The following IL1RAPL1 variants were observed in gnomAD, a reference collection of about 807,000 sequenced individuals.
IL1RAPL1 encodes interleukin-1 receptor accessory protein-like 1.
In IL1RAPL1, 3 loss-of-function variants were observed where a neutral mutation model predicts 48.4. The observed-to-expected ratio is 0.06, with a 90% confidence interval of 0.03 to 0.16. The LOEUF is 0.16. Ranked by LOEUF, IL1RAPL1 falls within the 10% of genes least tolerant of loss-of-function variation. The pLI is 1.00. For missense variants in IL1RAPL1, 349 were observed against 530.6 expected, an observed-to-expected ratio of 0.66 and a Z score of 3.36; for synonymous variants, 185 against 187.7, an observed-to-expected ratio of 0.99 and a Z score of 0.12.
intron 2 of IL1RAPL1, among the ~76,000 whole-genome samples, chrX:29,202,325 A>C (rs1370731318): frequency 8.9e-6 from 1 of 112,021 alleles, no homozygotes; most frequent in Non-Finnish European, 1.9e-5. Context: ...ATCTCACATC[A>C]GTCAGAATGG....
At chrX:29,393,258 A>G (rs192230266) in intron 3 of IL1RAPL1, among the ~76,000 whole-genome samples, 4 of 111,530 alleles carry the variant, frequency 3.6e-5, no homozygotes, top group East Asian at 2.8e-4. Flanking sequence ...AGTAGCTGGG[A>G]CTACAGGCGC....
chrX:28,641,605 A>G (rs1403892749), intron 1 of IL1RAPL1, among the ~76,000 whole-genome samples: 1 of 111,587 alleles, frequency 9.0e-6, no homozygotes, highest in Non-Finnish European at 1.9e-5. Flanking sequence ...TGCTGGGTCA[A>G]ATGGTATTTC....
At chrX:28,792,994 C>T (rs1936570555) in intron 2 of IL1RAPL1, among the ~76,000 whole-genome samples, 1 of 103,916 alleles carries the variant, frequency 9.6e-6, no homozygotes, top group African/African-American at 3.5e-5. Context: ...CAGGTAAAGT[C>T]CTAAAGTTGT....
intron 6 of IL1RAPL1, among the ~76,000 whole-genome samples, chrX:29,851,207 T>C (rs970301421): frequency 8.9e-6 from 1 of 111,937 alleles, no homozygotes; most frequent in African/African-American, 3.3e-5. Context: ...TCTGGTTGTA[T>C]TTTTAAAACC....
chrX:29,202,834 G>A (rs1209568119), intron 2 of IL1RAPL1, among the ~76,000 whole-genome samples: 1 of 111,295 alleles, frequency 9.0e-6, no homozygotes, highest in African/African-American at 3.3e-5. Flanking sequence ...GAAAGAAGGG[G>A]ACAACGGATG....
intron 2 of IL1RAPL1, among the ~76,000 whole-genome samples, chrX:29,232,419 A>G (rs1931218491): frequency 8.9e-6 from 1 of 112,432 alleles, no homozygotes; most frequent in African/African-American, 3.2e-5. Flanking sequence ...ATAGTAGTTT[A>G]TGCAATTAGA....
intron 1 of IL1RAPL1, among the ~76,000 whole-genome samples, chrX:28,649,272 C>T (rs1183952301): frequency 1.1e-4 from 12 of 112,171 alleles, no homozygotes; most frequent in African/African-American, 3.9e-4. Flanking sequence ...CCACAGTAAT[C>T]ACACAAAGTG....
intron 2 of IL1RAPL1, among the ~76,000 whole-genome samples, chrX:29,192,044 A>G (rs1411942142): frequency 8.9e-6 from 1 of 111,838 alleles, no homozygotes; most frequent in Non-Finnish European, 1.9e-5. Flanking sequence ...TCAGCTATGT[A>G]TCAGGCAGCA....
chrX:29,457,371 A>G (rs371321806), intron 5 of IL1RAPL1, among the ~76,000 whole-genome samples: 1 of 110,545 alleles, frequency 9.0e-6, no homozygotes, highest in African/African-American at 3.3e-5. Context: ...TGTAGTGCCT[A>G]TTGTTATCAT....
At chrX:28,845,548 T>G (rs1386612344) in intron 2 of IL1RAPL1, among the ~76,000 whole-genome samples, 1 of 111,374 alleles carries the variant, frequency 9.0e-6, no homozygotes, top group Non-Finnish European at 1.9e-5. Context: ...AATATACATT[T>G]ATGTTTAAAT....
chrX:28,681,592 C>T (rs1935059987), intron 1 of IL1RAPL1, among the ~76,000 whole-genome samples: 1 of 111,314 alleles, frequency 9.0e-6, no homozygotes, highest in African/African-American at 3.3e-5. Flanking sequence ...ATCTAATGTA[C>T]AGCAAGGTAA....
intron 2 of IL1RAPL1, among the ~76,000 whole-genome samples, chrX:28,799,347 A>C (rs900888707): frequency 8.9e-6 from 1 of 112,401 alleles, no homozygotes; most frequent in Admixed American, 9.4e-5. Flanking sequence ...TTTAGATTTT[A>C]TCTTGAGAAC....
intron 2 of IL1RAPL1, among the ~76,000 whole-genome samples, chrX:29,180,004 A>G (rs1309383729): frequency 9.5e-6 from 1 of 105,037 alleles, no homozygotes; most frequent in Non-Finnish European, 2.0e-5. Context: ...CTACTGGCCC[A>G]GAAGAAGGTT....
rs758487838 is a variant in IL1RAPL1 at position 29,339,075 on chromosome X, TACACACAC to T, written c.362+55889_362+55896del. The stretch of plus-strand genomic sequence containing the variant: ...GTTCTCCAAGCTTATGCTGGGTAAA[TACACACAC>T]ACACACACACACACACACACACACA... On this transcript the variant is annotated intron_variant, in intron 3 of 10. Transcript: ENST00000378993. Among the ~76,000 whole-genome samples, 260 of 92,319 alleles carry T rather than the reference TACACACAC, an allele frequency of 2.8e-3. 2 individuals are homozygous for T. Among genetic ancestry groups the T allele is most frequent in the Non-Finnish European group, 4.4e-3 (204 of 46,715 alleles). 80.2% of individuals were successfully genotyped at this position (92,319 alleles called of 115,157 possible).
intron 2 of IL1RAPL1, among the ~76,000 whole-genome samples, chrX:29,055,309 A>G (rs762050650): frequency 9.0e-6 from 1 of 111,521 alleles, no homozygotes; most frequent in Non-Finnish European, 1.9e-5. Flanking sequence ...GTCTAATGAA[A>G]GTCCAGATAA....
chrX:29,528,061 G>A (rs1028516083), intron 5 of IL1RAPL1, among the ~76,000 whole-genome samples: 4 of 111,894 alleles, frequency 3.6e-5, no homozygotes, highest in African/African-American at 6.5e-5. Context: ...TTGGAATTTC[G>A]AAATGTTCTG....
chrX:29,803,593 G>GTATA (rs1416354089), intron 6 of IL1RAPL1, among the ~76,000 whole-genome samples: 1 of 101,053 alleles, frequency 9.9e-6, no homozygotes, highest in Admixed American at 1.1e-4. Flanking sequence ...ATCCATATAT[G>GTATA]TGTGTGTATA....
At chrX:29,673,119 A>G (rs907638381) in intron 6 of IL1RAPL1, among the ~76,000 whole-genome samples, 7 of 112,212 alleles carry the variant, frequency 6.2e-5, no homozygotes, top group Admixed American at 1.9e-4. Context: ...GAATAGACCA[A>G]AGGAAAATGT....
At chrX:29,485,112 A>C (rs1193657494) in intron 5 of IL1RAPL1, among the ~76,000 whole-genome samples, 1 of 112,413 alleles carries the variant, frequency 8.9e-6, no homozygotes, top group Non-Finnish European at 1.9e-5. Context: ...CAAAGTTCAA[A>C]TAATGATTTC....
Sources: allele counts gnomAD v4.1 joint callset (sites outside exome capture counted in the v4.1 genomes callset), GRCh38; gene constraint gnomAD v4.1.1; transcripts MANE v1.5; gene names NCBI Gene and HGNC (gene_info 2026-07-23, HGNC 2026-07-21).